The following FRMD4B variants were observed in gnomAD, a reference collection of about 807,000 sequenced individuals.
The protein encoded by FRMD4B is FERM domain-containing protein 4B.
Under a neutral mutation model 141.5 loss-of-function variants are expected in FRMD4B, and 74 were observed. The ratio of observed to expected loss-of-function variants is 0.52; its 90% CI spans 0.43 to 0.63. The LOEUF is 0.63. FRMD4B is among the 30% of genes least tolerant of loss of function. The pLI is 0.00. For synonymous variants in FRMD4B, 506 were observed against 467.9 expected (o/e 1.08, Z -1.05); for missense variants, 1,366 against 1,253.4 (o/e 1.09, Z -1.36).
rs147198930 is a variant in FRMD4B, at chr3:69,237,864, G to C, written c.581+11362C>G. On this transcript the variant is annotated intron_variant, in intron 7 of 22. Transcript: ENST00000398540. ...TCCTGCCTCAGCCTCCTAAGTAGCT[G>C]GGATTACAGGCACGCACCACCATGC... Among the ~76,000 whole-genome samples the C allele has an allele frequency of 5.9e-3, 891 of 152,240 alleles. 11 individuals carry two copies. Among genetic ancestry groups the C allele is most frequent in the African/African-American group, 0.02 (831 of 41,524 alleles).
At chr3:69,463,944 A>T (rs1056303235) in intron 1 of FRMD4B, among the ~76,000 whole-genome samples, 2 of 152,236 alleles carry the variant, frequency 1.3e-5, no homozygotes, top group African/African-American at 4.8e-5. Flanking sequence ...TTGATCACTT[A>T]TTCCCACAGC....
chr3:69,276,899 A>C (rs1390254629), intron 5 of FRMD4B, among the ~76,000 whole-genome samples: 1 of 152,222 alleles, frequency 6.6e-6, no homozygotes, highest in Non-Finnish European at 1.5e-5. Context: ...TGAGAGGCAG[A>C]GGTTGCAGTG....
intron 1 of FRMD4B, among the ~76,000 whole-genome samples, chr3:69,477,812 C>T (rs1366891283): frequency 6.7e-6 from 1 of 149,762 alleles, no homozygotes; most frequent in Admixed American, 6.6e-5. Flanking sequence ...TGTTAGAATT[C>T]GGCTGTGAAT....
rs1411629273 is a variant in FRMD4B, at chr3:69,171,965, T to C, written c.3001A>G (p.Ser1001Gly). ...TTTCCATCTGTACCATCCAGTTGAC[T>C]GATTTCTGTGTATTGTCTATTAAAG... The part of the protein sequence containing the change: ...PSPSRQYTEI[S>G]QLDGTDGNQL... The change falls in exon 23 of 23, where the codon AGT becomes GGT. Residue 1001 changes from serine to glycine, a missense_variant. Coordinates refer to ENST00000398540, the MANE Select transcript of FRMD4B (RefSeq NM_015123.3). The C allele has an allele frequency of 6.2e-7, 1 of 1,613,272 alleles. No individual in the cohort carries two copies. The highest frequency in any genetic ancestry group is 8.5e-7 in the Non-Finnish European group (1 of 1,179,216).
chr3:69,203,138 A>G (rs1559713389), intron 11 of FRMD4B, among the ~76,000 whole-genome samples: 1 of 151,862 alleles, frequency 6.6e-6, no homozygotes, highest in African/African-American at 2.4e-5. Flanking sequence ...AGACGATTAC[A>G]GTTTATTTAA....
At chr3:69,421,226 C>G (rs1163793766) in intron 2 of FRMD4B, among the ~76,000 whole-genome samples, 3 of 152,244 alleles carry the variant, frequency 2.0e-5, no homozygotes, top group African/African-American at 7.2e-5. Context: ...GACAGTATAC[C>G]AGCCAGGCCC....
chr3:69,321,895 T>C (rs779050260), intron 1 of FRMD4B, among the ~76,000 whole-genome samples: 3 of 152,134 alleles, frequency 2.0e-5, no homozygotes, highest in Non-Finnish European at 2.9e-5. Flanking sequence ...TTTGTACAGA[T>C]GGAGATCTCA....
intron 1 of FRMD4B, among the ~76,000 whole-genome samples, chr3:69,524,433 A>G (rs1477931888): frequency 6.6e-6 from 1 of 152,214 alleles, no homozygotes; most frequent in Non-Finnish European, 1.5e-5. Flanking sequence ...CTCCAAATTA[A>G]CTAAAGCTGT....
At chr3:69,276,050 G>A (rs1287403273) in intron 5 of FRMD4B, among the ~76,000 whole-genome samples, 1 of 152,074 alleles carries the variant, frequency 6.6e-6, no homozygotes, top group Non-Finnish European at 1.5e-5. Context: ...GTTAGCTAAG[G>A]AAGGCTAGCC....
chr3:69,224,338 T>C (rs2093229044), intron 8 of FRMD4B, among the ~76,000 whole-genome samples: 1 of 152,214 alleles, frequency 6.6e-6, no homozygotes, highest in African/African-American at 2.4e-5. Flanking sequence ...CCTAGGAGCA[T>C]ACTCTACAGA....
chr3:69,309,900 G>T (rs1701520530), intron 3 of FRMD4B, among the ~76,000 whole-genome samples: 1 of 152,080 alleles, frequency 6.6e-6, no homozygotes, highest in African/African-American at 2.4e-5. Flanking sequence ...TATACTGTTT[G>T]CTATGATTTC....
intron 1 of FRMD4B, among the ~76,000 whole-genome samples, chr3:69,455,406 C>T (rs946366553): frequency 6.6e-6 from 1 of 152,246 alleles, no homozygotes; most frequent in Non-Finnish European, 1.5e-5. Context: ...TCTGCAGCTT[C>T]TCATCTGAGA....
intron 3 of FRMD4B, chr3:69,310,651 T>G (rs1701556023): frequency 3.6e-6 from 1 of 276,982 alleles, no homozygotes; most frequent in East Asian, 9.6e-5. Context: ...CTTAGAGTGT[T>G]AAATTCTCAT....
chr3:69,244,282 A>G (rs1419903574), intron 7 of FRMD4B, among the ~76,000 whole-genome samples: 1 of 152,164 alleles, frequency 6.6e-6, no homozygotes, highest in Non-Finnish European at 1.5e-5. Flanking sequence ...AGACAATGGA[A>G]GAGGAGCTGG....
intron 1 of FRMD4B, among the ~76,000 whole-genome samples, chr3:69,474,303 G>T (rs1313749103): frequency 6.6e-6 from 1 of 152,188 alleles, no homozygotes; most frequent in Non-Finnish European, 1.5e-5. Context: ...TACAATTCTG[G>T]TAGAGTAGGA....
chr3:69,311,132 A>G (rs1701572389), intron 3 of FRMD4B, 131 bp downstream of exon 3: 1 of 504,112 alleles, frequency 2.0e-6, no homozygotes, highest in Non-Finnish European at 3.6e-6. Flanking sequence ...ATCGCATATT[A>G]AAAAACCTTT....
chr3:69,292,814 C>CTT (rs1700915307), intron 4 of FRMD4B, among the ~76,000 whole-genome samples: 1 of 66,492 alleles, frequency 1.5e-5, no homozygotes, highest in Admixed American at 1.9e-4. Context: ...TTTTTTTCAG[C>CTT]CTTTTTTTTT....
intron 1 of FRMD4B, among the ~76,000 whole-genome samples, chr3:69,534,394 CTCTA>C (rs1385732799): frequency 5.3e-5 from 8 of 152,306 alleles, no homozygotes; most frequent in African/African-American, 1.9e-4. Context: ...TAAAATGTTT[CTCTA>C]TCTATCATCT....
intron 1 of FRMD4B, among the ~76,000 whole-genome samples, chr3:69,362,395 A>C (rs1360436879): frequency 6.6e-6 from 1 of 152,206 alleles, no homozygotes; most frequent in Non-Finnish European, 1.5e-5. Context: ...GTTAATTGGA[A>C]TCCTTTCCAG....
Sources: allele counts gnomAD v4.1 joint callset (sites outside exome capture counted in the v4.1 genomes callset), GRCh38; gene constraint gnomAD v4.1.1; transcripts MANE v1.5; gene names NCBI Gene and HGNC (gene_info 2026-07-23, HGNC 2026-07-21).